Variants in PTPRO observed in about 807,000 individuals in gnomAD.
PTPRO encodes the protein receptor-type tyrosine-protein phosphatase O.
Under a neutral mutation model 145.2 loss-of-function variants are expected in PTPRO, and 62 were observed. That is an observed-to-expected ratio of 0.43 (90% CI 0.35 to 0.53). The LOEUF (loss-of-function observed/expected upper bound fraction) is 0.53. PTPRO is among the 20% of genes least tolerant of loss of function. PTPRO has a pLI of 0.01. For missense variants in PTPRO, 1,345 were observed against 1,482.7 expected (o/e 0.91, Z 1.53); for synonymous variants, 565 against 514.7 (o/e 1.10, Z -1.32).
At chr12:15,497,491 G>A (rs1434943306) in intron 3 of PTPRO, 88 bp downstream of exon 3, 4 of 1,383,892 alleles carry the variant, frequency 2.9e-6, no homozygotes, top group Admixed American at 1.7e-5. Flanking sequence ...ACTGCAAAGA[G>A]GTTTTATAAT....
At chr12:15,376,998 A>T (rs1272692061) in intron 1 of PTPRO, among the ~76,000 whole-genome samples, 1 of 152,154 alleles carries the variant, frequency 6.6e-6, no homozygotes, top group Non-Finnish European at 1.5e-5. Context: ...CAATTGTTAA[A>T]CTGTGTTGAT....
intron 1 of PTPRO, among the ~76,000 whole-genome samples, chr12:15,331,569 A>G (rs575047352): frequency 1.9e-4 from 29 of 152,248 alleles, no homozygotes; most frequent in African/African-American, 6.0e-4. Context: ...TACTGGGAAC[A>G]GTGCCTAGAA....
At chr12:15,523,466 T>G (rs560065035) in intron 10 of PTPRO, among the ~76,000 whole-genome samples, 14 of 152,302 alleles carry the variant, frequency 9.2e-5, no homozygotes, top group African/African-American at 3.4e-4. Context: ...GTTGGCAAAT[T>G]TTTTATTTTA....
At chr12:15,416,603 GC>G (rs1386555400) in intron 1 of PTPRO, among the ~76,000 whole-genome samples, 1 of 151,582 alleles carries the variant, frequency 6.6e-6, no homozygotes. Context: ...ACAGGCATGA[GC>G]CACCGCGCCC....
chr12:15,460,077 A>G (rs2136394589), intron 1 of PTPRO, among the ~76,000 whole-genome samples: 1 of 152,296 alleles, frequency 6.6e-6, no homozygotes, highest in Admixed American at 6.5e-5. Flanking sequence ...TTTTCCATTC[A>G]TTCACCTATT....
intron 19 of PTPRO, among the ~76,000 whole-genome samples, chr12:15,575,307 C>T (rs1460003182): frequency 1.3e-5 from 2 of 152,196 alleles, no homozygotes; most frequent in Non-Finnish European, 2.9e-5. Context: ...GAGGAGAGGC[C>T]AGGTTCCTTC....
At chr12:15,436,355 A>G (rs1940594549) in intron 1 of PTPRO, among the ~76,000 whole-genome samples, 1 of 152,238 alleles carries the variant, frequency 6.6e-6, no homozygotes, top group South Asian at 2.1e-4. Context: ...AAACACACAA[A>G]ATACAAGTAG....
At position 15,571,395 on chromosome 12, in the gene PTPRO, C is replaced by G. The variant is rs542423287; in HGVS notation, c.2829+1897C>G. 9.1e-4 allele frequency among the ~76,000 whole-genome samples: 139 copies of G among 152,328 alleles called. No individual in the cohort carries two copies. The Middle Eastern group carries it at 0.031, about 34-fold the overall frequency. Reference sequence around the variant, plus strand: ...CTCCGCCTCCCAGGTTCAAGTGATTCTCCTGCCTCAGCCTCCTGAGTAGCT... The same window carrying G: ...CTCCGCCTCCCAGGTTCAAGTGATTGTCCTGCCTCAGCCTCCTGAGTAGCT... On this transcript the variant is annotated intron_variant, in intron 19 of 26. Coordinates refer to ENST00000281171, the MANE Select transcript of PTPRO (RefSeq NM_030667.3).
intron 1 of PTPRO, among the ~76,000 whole-genome samples, chr12:15,352,568 G>A (rs1937841865): frequency 6.6e-6 from 1 of 150,400 alleles, no homozygotes; most frequent in African/African-American, 2.5e-5. Flanking sequence ...GGAGAATGGT[G>A]TGAACTCGGG....
Position 15,595,020 on chromosome 12 carries a change from C to T in PTPRO, c.3630C>T (p.Tyr1210=), listed in dbSNP as rs777418485. The T allele has an allele frequency of 3.6e-5, 58 of 1,613,506 alleles. No individual in the cohort carries two copies. In the South Asian group the frequency reaches 6.0e-4, roughly 17 times the overall value. The stretch of plus-strand genomic sequence containing the variant: ...AGTTCTGCATCAGTGATGTCATATA[C>T]GAGAATGTTAGCAAGTCCTAGTTCA... ...KQQFCISDVI[Y]ENVSKS The change falls in exon 26 of 27, where the codon TAC becomes TAT. Residue 1210 remains tyrosine (Y), a synonymous_variant. Transcript: ENST00000281171.
chr12:15,590,882 T>C (rs1944536974), intron 25 of PTPRO, among the ~76,000 whole-genome samples: 1 of 152,168 alleles, frequency 6.6e-6, no homozygotes, highest in Non-Finnish European at 1.5e-5. Flanking sequence ...CACTGTCTGG[T>C]GAGTAAACAG....
intron 7 of PTPRO, among the ~76,000 whole-genome samples, chr12:15,511,473 A>G (rs931930946): frequency 1.3e-5 from 2 of 152,238 alleles, no homozygotes; most frequent in Non-Finnish European, 2.9e-5. Flanking sequence ...TTTTTAAGTA[A>G]TATGATGTAT....
intron 1 of PTPRO, among the ~76,000 whole-genome samples, chr12:15,432,338 A>C (rs551166207): frequency 8.7e-4 from 133 of 152,182 alleles, no homozygotes; most frequent in Non-Finnish European, 1.8e-3. Context: ...TGATTGCATT[A>C]TTTTTTACTG....
chr12:15,590,781 T>G (rs1379677648), intron 25 of PTPRO, among the ~76,000 whole-genome samples: 1 of 152,210 alleles, frequency 6.6e-6, no homozygotes, highest in Non-Finnish European at 1.5e-5. Flanking sequence ...TCACTTGGTT[T>G]CAATCATGCT....
At chr12:15,420,019 C>T (rs1339694091) in intron 1 of PTPRO, among the ~76,000 whole-genome samples, 23 of 151,154 alleles carry the variant, frequency 1.5e-4, no homozygotes, top group Admixed American at 1.4e-3. Context: ...CGGTGGCGGG[C>T]GCCCATAGTC....
At chr12:15,529,453 G>A (rs1399614237) in intron 12 of PTPRO, among the ~76,000 whole-genome samples, 29 of 142,220 alleles carry the variant, frequency 2.0e-4, no homozygotes, top group Admixed American at 5.1e-4. Context: ...AGGAATTCAA[G>A]ACCTCATCTC....
At chr12:15,386,572 C>A (rs2136281145) in intron 1 of PTPRO, among the ~76,000 whole-genome samples, 1 of 152,040 alleles carries the variant, frequency 6.6e-6, no homozygotes, top group East Asian at 1.9e-4. Flanking sequence ...TGTTGTATGG[C>A]AAAAACAGTC....
chr12:15,461,173 A>G lies in PTPRO; in HGVS notation c.76-22801A>G, dbSNP rs141179655. The stretch of plus-strand genomic sequence containing the variant: ...GCAAATAAGAACTTTGGTCTCCACA[A>G]TTCTTTATCTTAACCCAGACATTTC... On this transcript the variant is annotated intron_variant, in intron 1 of 26. Coordinates refer to ENST00000281171, the MANE Select transcript of PTPRO (RefSeq NM_030667.3). 3.4e-3 allele frequency among the ~76,000 whole-genome samples: 521 copies of G among 152,312 alleles called. 1 individual carries two copies. Among genetic ancestry groups the G allele is most frequent in the African/African-American group, 0.012 (493 of 41,550 alleles).
chr12:15,519,914 G>A (rs746972810), intron 9 of PTPRO, among the ~76,000 whole-genome samples: 18 of 152,096 alleles, frequency 1.2e-4, no homozygotes, highest in Non-Finnish European at 2.4e-4. Flanking sequence ...TATAAATAAG[G>A]ACTGTTTCGC....
Sources: gnomAD v4.1 joint callset for allele counts (sites outside exome capture counted in the v4.1 genomes callset) on GRCh38, gnomAD v4.1.1 for gene constraint, MANE v1.5 for transcripts, NCBI Gene and HGNC (gene_info 2026-07-23, HGNC 2026-07-21) for gene names.